The following NRG1 variants were observed in gnomAD, a reference collection of about 807,000 sequenced individuals.
The protein encoded by NRG1 is neuregulin 1, also known as pro-neuregulin-1, membrane-bound isoform.
In NRG1, 18 loss-of-function variants were observed where a neutral mutation model predicts 63.8. That is an observed-to-expected ratio of 0.28 (90% confidence interval 0.19 to 0.42). The LOEUF (loss-of-function observed/expected upper bound fraction) is 0.42. NRG1 is among the 10% of genes least tolerant of loss of function. The pLI is 1.00. For missense variants in NRG1, 762 were observed against 814.7 expected (o/e 0.94, Z 0.79); for synonymous variants, 302 against 301.3 (o/e 1.00, Z -0.02).
At chr8:31,830,387 CTCCTTCTT>C (rs1270384998) in intron 1 of NRG1, among the ~76,000 whole-genome samples, 4 of 112,668 alleles carry the variant, frequency 3.6e-5, no homozygotes, top group Non-Finnish European at 7.2e-5. Flanking sequence ...CCCTCCTTCC[CTCCTTCTT>C]TCCTTCTGTA....
intron 1 of NRG1, among the ~76,000 whole-genome samples, chr8:31,990,473 G>A (rs1810873372): frequency 6.6e-6 from 1 of 151,996 alleles, no homozygotes; most frequent in Non-Finnish European, 1.5e-5. Flanking sequence ...AACACAAATA[G>A]GACTAATGCA....
intron 1 of NRG1, among the ~76,000 whole-genome samples, chr8:31,933,131 C>T (rs1834999929): frequency 6.6e-6 from 1 of 152,130 alleles, no homozygotes; most frequent in African/African-American, 2.4e-5. Context: ...TAGGACCATT[C>T]AATAGTCTAG....
chr8:32,312,402 G>T (rs1418838763), intron 1 of NRG1, among the ~76,000 whole-genome samples: 1 of 137,756 alleles, frequency 7.3e-6, no homozygotes, highest in Non-Finnish European at 1.5e-5. Context: ...CTGAAACTCC[G>T]GACCTCAAGT....
At chr8:32,249,658 G>A (rs1364537109) in intron 1 of NRG1, among the ~76,000 whole-genome samples, 4 of 152,054 alleles carry the variant, frequency 2.6e-5, no homozygotes, top group Admixed American at 2.6e-4. Flanking sequence ...ATAGACAAGG[G>A]TCCATATCAC....
intron 1 of NRG1, among the ~76,000 whole-genome samples, chr8:31,849,790 C>T (rs1361499934): frequency 6.6e-6 from 1 of 151,986 alleles, no homozygotes; most frequent in Non-Finnish European, 1.5e-5. Context: ...GCTGGGTCTC[C>T]CTGAAAATAA....
intron 1 of NRG1, among the ~76,000 whole-genome samples, chr8:32,411,663 T>C (rs967435238): frequency 1.3e-5 from 2 of 152,114 alleles, no homozygotes; most frequent in East Asian, 1.9e-4. Flanking sequence ...CAGCTTATAA[T>C]GGGGTTGTCT....
At chr8:31,881,678 A>C (rs544328370) in intron 1 of NRG1, among the ~76,000 whole-genome samples, 1 of 152,180 alleles carries the variant, frequency 6.6e-6, no homozygotes, top group Admixed American at 6.6e-5. Context: ...CTTGAAGAAA[A>C]CTAGAACTAC....
intron 1 of NRG1, among the ~76,000 whole-genome samples, chr8:32,309,976 C>T (rs982654599): frequency 5.9e-5 from 9 of 152,238 alleles, no homozygotes; most frequent in East Asian, 1.9e-4. Flanking sequence ...CAAATATTTT[C>T]GCCTAGATTT....
chr8:32,008,487 G>A (rs1321377466), intron 1 of NRG1, among the ~76,000 whole-genome samples: 1 of 152,004 alleles, frequency 6.6e-6, no homozygotes, highest in East Asian at 1.9e-4. Context: ...GCCTAGTTCG[G>A]TTTCTCAGAA....
At position 32,358,368 on chromosome 8, in the gene NRG1, GAAAA is replaced by G. The variant is rs34976612; in HGVS notation, c.38-237440_38-237437del. Among the ~76,000 whole-genome samples the G allele has an allele frequency of 7.9e-3, 778 of 98,998 alleles. 4 individuals are homozygous for G. Among genetic ancestry groups the G allele is most frequent in the East Asian group, 0.017 (58 of 3,368 alleles). The allele number at this position is 98,998 out of a possible 152,430, so 64.9% of individuals were successfully genotyped here. A position where few individuals can be genotyped will look rare whatever the true frequency, so the allele number is the denominator to read the frequency against. ...GATCAACCGATAGAATGCCATTTAT[GAAAA>G]AAAAAAAAAAAAAAAAAAACCATGG... On this transcript the variant is annotated intron_variant, in intron 1 of 10. Coordinates refer to the NRG1 transcript ENST00000519301.
intron 1 of NRG1, among the ~76,000 whole-genome samples, chr8:32,026,994 A>C (rs1381316178): frequency 6.6e-6 from 1 of 151,952 alleles, no homozygotes; most frequent in Non-Finnish European, 1.5e-5. Flanking sequence ...TGTTTTTCTA[A>C]TTTATGTATT....
intron 1 of NRG1, among the ~76,000 whole-genome samples, chr8:32,075,959 C>T (rs1009321619): frequency 6.6e-6 from 1 of 152,224 alleles, no homozygotes; most frequent in African/African-American, 2.4e-5. Context: ...AGGCATGAAC[C>T]ACCGCGCTCG....
chr8:31,952,687 T>G (rs558778366), intron 1 of NRG1, among the ~76,000 whole-genome samples: 1 of 152,362 alleles, frequency 6.6e-6, no homozygotes, highest in South Asian at 2.1e-4. Context: ...TTGGGCCTAT[T>G]ATGAGCTGAC....
At chr8:32,182,303 G>A (rs1841515318) in intron 1 of NRG1, among the ~76,000 whole-genome samples, 1 of 152,132 alleles carries the variant, frequency 6.6e-6, no homozygotes, top group Non-Finnish European at 1.5e-5. Context: ...TTGGAATACA[G>A]TGGTGGGATC....
chr8:32,403,782 G>T (rs1254240227), intron 1 of NRG1, among the ~76,000 whole-genome samples: 6 of 152,098 alleles, frequency 3.9e-5, no homozygotes, highest in Non-Finnish European at 7.4e-5. Context: ...TACATTTTTG[G>T]ATCATAATGA....
chr8:32,285,233 C>A (rs1024585525), intron 1 of NRG1, among the ~76,000 whole-genome samples: 1 of 152,122 alleles, frequency 6.6e-6, no homozygotes, highest in Non-Finnish European at 1.5e-5. Context: ...AAATGCATCA[C>A]CTGTTTTACA....
chr8:32,422,291 A>G (rs1816790483), intron 1 of NRG1, among the ~76,000 whole-genome samples: 2 of 152,238 alleles, frequency 1.3e-5, no homozygotes, highest in Admixed American at 1.3e-4. Flanking sequence ...TATTAAACAT[A>G]TTAGTTTATA....
intron 5 of NRG1, among the ~76,000 whole-genome samples, chr8:32,709,123 T>A (rs1456101292): frequency 6.6e-6 from 1 of 152,258 alleles, no homozygotes; most frequent in Non-Finnish European, 1.5e-5. Flanking sequence ...TACTTTTTAT[T>A]GATTTCTTGA....
chr8:32,088,438 G>T (rs1173138537), intron 1 of NRG1, among the ~76,000 whole-genome samples: 5 of 152,082 alleles, frequency 3.3e-5, no homozygotes, highest in Admixed American at 2.0e-4. Flanking sequence ...CATAGTTAAT[G>T]GGCTACCTGA....
Sources: gnomAD v4.1 joint callset for allele counts (sites outside exome capture counted in the v4.1 genomes callset) on GRCh38, gnomAD v4.1.1 for gene constraint, MANE v1.5 for transcripts, NCBI Gene and HGNC (gene_info 2026-07-23, HGNC 2026-07-21) for gene names.